Variants in DDAH1 observed in about 807,000 individuals in gnomAD.
The protein encoded by DDAH1 is dimethylarginine dimethylaminohydrolase 1.
A neutral mutation model predicts 28.8 loss-of-function variants in DDAH1; 19 were observed. The ratio of observed to expected loss-of-function variants is 0.66; its 90% CI spans 0.46 to 0.97. The LOEUF is 0.97. DDAH1 is among the 50% of genes least tolerant of loss of function. The pLI, the probability that DDAH1 is intolerant of heterozygous loss-of-function variation, is 0.00. For synonymous variants in DDAH1, 153 were observed against 154.4 expected, an observed-to-expected ratio of 0.99 and a Z score of 0.07; for missense variants, 326 against 375.9, an observed-to-expected ratio of 0.87 and a Z score of 1.10.
upstream of DDAH1, among the ~76,000 whole-genome samples, chr1:85,468,936 A>T (rs574256952): frequency 5.3e-5 from 8 of 152,282 alleles, no homozygotes; most frequent in East Asian, 1.5e-3. Context: ...CTCCTACAAT[A>T]CATGGGAATT....
chr1:85,446,342 T>C (rs189039095), intron 1 of DDAH1, among the ~76,000 whole-genome samples: 1 of 152,116 alleles, frequency 6.6e-6, no homozygotes, highest in African/African-American at 2.4e-5. Flanking sequence ...TCAGATCTCA[T>C]GAGAACTCAC....
chr1:85,427,597 AGTC>A (rs769134188), intron 1 of DDAH1, among the ~76,000 whole-genome samples: 4 of 152,218 alleles, frequency 2.6e-5, no homozygotes, highest in Non-Finnish European at 5.9e-5. Context: ...AGACTGAAAT[AGTC>A]ATCATCTTCT....
chr1:85,447,393 A>G (rs1255244880), intron 1 of DDAH1, among the ~76,000 whole-genome samples: 1 of 152,220 alleles, frequency 6.6e-6, no homozygotes, highest in South Asian at 2.1e-4. Flanking sequence ...AGTTACAGGA[A>G]TATGAAGTAA....
intron 4 of DDAH1, among the ~76,000 whole-genome samples, chr1:85,330,381 A>G (rs1647686224): frequency 1.3e-5 from 2 of 152,198 alleles, no homozygotes; most frequent in Admixed American, 1.3e-4. Flanking sequence ...CCGAGAATGC[A>G]GCTGTTGGGC....
intron 1 of DDAH1, among the ~76,000 whole-genome samples, chr1:85,439,034 A>G (rs1570545341): frequency 6.6e-6 from 1 of 152,218 alleles, no homozygotes. Context: ...CAACTAGCTC[A>G]TTTGAAAACT....
intron 1 of DDAH1, among the ~76,000 whole-genome samples, chr1:85,559,615 T>C (rs1349945971): frequency 6.6e-6 from 1 of 152,048 alleles, no homozygotes; most frequent in Non-Finnish European, 1.5e-5. Flanking sequence ...TAAAACATAA[T>C]GTGATGAGAA....
chr1:85,515,767 G>C (rs1426887047), intron 1 of DDAH1, among the ~76,000 whole-genome samples: 1 of 151,564 alleles, frequency 6.6e-6, no homozygotes, highest in African/African-American at 2.4e-5. Flanking sequence ...ATTAAGGTTA[G>C]AAACTTCTGA....
intron 1 of DDAH1, among the ~76,000 whole-genome samples, chr1:85,361,114 A>G (rs1649773510): frequency 6.6e-6 from 1 of 152,212 alleles, no homozygotes; most frequent in African/African-American, 2.4e-5. Flanking sequence ...ATTTCTGGAG[A>G]AGAAATGAGA....
At chr1:85,338,567 C>T (rs1648274781) in intron 4 of DDAH1, among the ~76,000 whole-genome samples, 1 of 152,208 alleles carries the variant, frequency 6.6e-6, no homozygotes, top group Non-Finnish European at 1.5e-5. Flanking sequence ...ACTCCAGACG[C>T]AGCCAGTGTT....
At chr1:85,460,568 TA>T (rs1241875296) in intron 1 of DDAH1, among the ~76,000 whole-genome samples, 1 of 152,156 alleles carries the variant, frequency 6.6e-6, no homozygotes, top group Non-Finnish European at 1.5e-5. Context: ...GGAGCAATCC[TA>T]GTCAACAGGG....
chr1:85,485,943 T>C (rs1656189629), intron 2 of DDAH1, among the ~76,000 whole-genome samples: 1 of 152,182 alleles, frequency 6.6e-6, no homozygotes, highest in Non-Finnish European at 1.5e-5. Flanking sequence ...AATCAACCCC[T>C]TTAGCTTGGG....
intron 2 of DDAH1, among the ~76,000 whole-genome samples, chr1:85,479,899 C>T (rs1056955432): frequency 3.9e-5 from 6 of 152,262 alleles, no homozygotes; most frequent in Admixed American, 6.5e-5. Context: ...TTTTTGTAAA[C>T]GACTATACCC....
chr1:85,348,059 A>G (rs1335052462), intron 4 of DDAH1, among the ~76,000 whole-genome samples: 1 of 152,228 alleles, frequency 6.6e-6, no homozygotes, highest in Admixed American at 6.5e-5. Context: ...GGAAAATGCA[A>G]TCTCCAACGA....
intron 1 of DDAH1, among the ~76,000 whole-genome samples, chr1:85,557,644 C>T (rs1025021281): frequency 6.6e-6 from 1 of 152,040 alleles, no homozygotes; most frequent in Non-Finnish European, 1.5e-5. Context: ...TCTCCCCGAC[C>T]CCAAATTCAT....
Position 85,350,409 on chromosome 1 carries a change from A to G in DDAH1, c.597+6T>C. 1 of 1,612,052 alleles carries G rather than the reference A, an allele frequency of 6.2e-7. No individual in the cohort carries two copies. Among genetic ancestry groups the G allele is most frequent in the Non-Finnish European group, 8.5e-7 (1 of 1,179,374 alleles). On this transcript the variant is annotated splice_donor_region_variant and intron_variant, in intron 4 of 5. Transcript: ENST00000284031. ...ACATTTAGAAGGAGCACAGTTTTGT[A>G]TTTACCTTAAGGGCCTTCTGTGCAG...
chr1:85,552,691 G>A (rs887013713), intron 1 of DDAH1, among the ~76,000 whole-genome samples: 2 of 152,150 alleles, frequency 1.3e-5, no homozygotes, highest in African/African-American at 2.4e-5. Flanking sequence ...AGGAAAGAAG[G>A]GAGACCAGAA....
At chr1:85,366,675 A>T (rs1189689802) in intron 1 of DDAH1, among the ~76,000 whole-genome samples, 1 of 152,166 alleles carries the variant, frequency 6.6e-6, no homozygotes, top group African/African-American at 2.4e-5. Context: ...TCTGGTGTTT[A>T]ACCAAATCCA....
intron 2 of DDAH1, among the ~76,000 whole-genome samples, chr1:85,358,087 C>A (rs927700960): frequency 2.6e-5 from 4 of 152,094 alleles, no homozygotes; most frequent in Admixed American, 1.3e-4. Flanking sequence ...TAAATACAAA[C>A]CAGATATACA....
intron 1 of DDAH1, chr1:85,448,171 T>C (rs894116602): frequency 1.9e-5 from 3 of 155,538 alleles, no homozygotes; most frequent in African/African-American, 7.2e-5. Context: ...GCTATTGTGT[T>C]AGAGTATTTT....
Sources: gnomAD v4.1 joint callset for allele counts (sites outside exome capture counted in the v4.1 genomes callset) on GRCh38, gnomAD v4.1.1 for gene constraint, MANE v1.5 for transcripts, NCBI Gene and HGNC (gene_info 2026-07-23, HGNC 2026-07-21) for gene names.